FER: variants seen among roughly 807,000 people sequenced by gnomAD.
FER encodes the protein FER tyrosine kinase, also known as tyrosine-protein kinase Fer.
In FER, 63 loss-of-function variants were observed where a neutral mutation model predicts 111.0. The ratio of observed to expected loss-of-function variants is 0.57; its 90% CI spans 0.46 to 0.70. The LOEUF is 0.70. FER is among the 30% of genes least tolerant of loss of function. The probability of loss-of-function intolerance (pLI) is 0.00; values close to 1 mark genes in which losing one functional copy is unlikely to be tolerated. For missense variants in FER, 914 were observed against 954.0 expected, an observed-to-expected ratio of 0.96 and a Z score of 0.55; for synonymous variants, 327 against 313.9, an observed-to-expected ratio of 1.04 and a Z score of -0.44.
chr5:109,052,034 G>C, intron 16 of FER: 4 of 1,593,136 alleles, frequency 2.5e-6, no homozygotes, highest in Non-Finnish European at 2.6e-6. Flanking sequence ...ACCTTACCAT[G>C]CTCTTCAATA....
At chr5:109,052,667 ACTTTTAAAAGGG>A in intron 16 of FER, among the ~76,000 whole-genome samples, 1 of 152,288 alleles carries the variant, frequency 6.6e-6, no homozygotes, top group South Asian at 2.1e-4. Context: ...GCTACTCTCT[ACTTTTAAAAGGG>A]CTTGTATGAT....
chr5:108,959,185 A>G (rs755046936), intron 12 of FER, 40 bp from the exon 13 acceptor site: 5 of 1,581,824 alleles, frequency 3.2e-6, no homozygotes, highest in Non-Finnish European at 1.7e-6. Flanking sequence ...TTCTAAAGCA[A>G]TGTCTTCACA....
At chr5:109,163,357 G>C (rs1037943109) in intron 17 of FER, among the ~76,000 whole-genome samples, 5 of 152,088 alleles carry the variant, frequency 3.3e-5, no homozygotes, top group Non-Finnish European at 7.4e-5. Flanking sequence ...ATAGTCATAT[G>C]TAAGTCTTTG....
rs755800376 is a variant in FER at position 108,867,893 on chromosome 5, C to G, written c.608C>G (p.Thr203Arg). The change falls in exon 6 of 20, where the codon ACA becomes AGA. Residue 203 changes from threonine to arginine, a missense_variant. This residue lies in a region of FER where 774 missense variants were observed against 782.6 expected (regional missense o/e 0.99). Coordinates refer to ENST00000281092, the MANE Select transcript of FER (RefSeq NM_005246.4). ...QLHQNQYYDI[T>R]LPLLLDSLQK... The stretch of plus-strand genomic sequence containing the variant: ...CATCAGAATCAGTATTATGATATCA[C>G]ACTTCCCCTGCTTCTGGACTCCTTA... 5.4e-5 allele frequency: 87 copies of G among 1,613,108 alleles called. No individual in the cohort carries two copies. The highest frequency in any genetic ancestry group is 6.4e-5 in the Non-Finnish European group (75 of 1,179,464).
rs75340898 is a variant in FER at position 109,016,735 on chromosome 5, T to C, written c.1657-20687T>C. 1.3e-4 allele frequency among the ~76,000 whole-genome samples: 20 copies of C among 152,218 alleles called. No individual in the cohort carries two copies. The East Asian group carries it at 3.1e-3, about 23-fold the overall frequency. On this transcript the variant is annotated intron_variant, in intron 13 of 19. Transcript: ENST00000281092. ...TCTATTCTTTATTTGAATATATACA[T>C]ATTTTCCACATTATTATTATAGTTT... is the stretch of plus-strand genomic sequence containing the variant.
At chr5:108,940,712 T>G (rs1296189580) in intron 10 of FER, among the ~76,000 whole-genome samples, 3 of 152,072 alleles carry the variant, frequency 2.0e-5, no homozygotes, top group Non-Finnish European at 4.4e-5. Context: ...CTTACTCAAG[T>G]GTTTTCACTG....
At position 108,881,720 on chromosome 5, in the gene FER, T is replaced by C. The variant is rs756151922; in HGVS notation, c.924-1676T>C. Reference sequence around the variant, plus strand: ...TGCTGTGTCCTCAGATGACCCTTTCTTTGCATACATGAGGAGAGGGAGAGG... The same window carrying C: ...TGCTGTGTCCTCAGATGACCCTTTCCTTGCATACATGAGGAGAGGGAGAGG... On this transcript the variant is annotated intron_variant, in intron 8 of 19. Coordinates refer to ENST00000281092, the MANE Select transcript of FER (RefSeq NM_005246.4). Among the ~76,000 whole-genome samples the C allele has an allele frequency of 3.1e-4, 47 of 152,236 alleles. 2 individuals carry two copies. The Middle Eastern group carries it at 0.01, about 33-fold the overall frequency.
intron 17 of FER, among the ~76,000 whole-genome samples, chr5:109,150,772 A>G (rs182456774): frequency 2.1e-4 from 32 of 152,284 alleles, no homozygotes; most frequent in Middle Eastern, 6.8e-3. Flanking sequence ...ATGAAATTTC[A>G]TGTGTCTTTG....
intron 13 of FER, among the ~76,000 whole-genome samples, chr5:108,961,409 A>G (rs1046410327): frequency 2.0e-5 from 3 of 152,182 alleles, no homozygotes; most frequent in Admixed American, 2.0e-4. Flanking sequence ...ATTTGCTATA[A>G]AACTTTGATA....
At chr5:108,935,617 T>C (rs995571223) in intron 10 of FER, among the ~76,000 whole-genome samples, 9 of 152,254 alleles carry the variant, frequency 5.9e-5, no homozygotes, top group Middle Eastern at 3.4e-3. Context: ...TCAAGAAAGT[T>C]CTCAAAAATT....
Position 108,877,266 on chromosome 5 carries a change from G to T in FER, c.923+5054G>T, listed in dbSNP as rs143186438. 2.6e-5 allele frequency among the ~76,000 whole-genome samples: 4 copies of T among 152,240 alleles called. No individual in the cohort carries two copies. In the East Asian group the frequency reaches 7.7e-4, roughly 29 times the overall value. On this transcript the variant is annotated intron_variant, in intron 8 of 19. Coordinates refer to ENST00000281092, the MANE Select transcript of FER (RefSeq NM_005246.4). ...ATATACAGTATTATAATTTGCTCAG[G>T]CTGTGTTAGGGGAATACTTTAAGAG...
At chr5:108,950,688 C>T (rs991385315) in intron 11 of FER, among the ~76,000 whole-genome samples, 3 of 151,934 alleles carry the variant, frequency 2.0e-5, no homozygotes, top group Non-Finnish European at 4.4e-5. Flanking sequence ...TTTTAAAAAA[C>T]TGGAAGGGAG....
intron 16 of FER, among the ~76,000 whole-genome samples, chr5:109,079,956 T>G (rs2150017078): frequency 6.6e-6 from 1 of 152,254 alleles, no homozygotes; most frequent in Non-Finnish European, 1.5e-5. Flanking sequence ...GCCAGCCTGT[T>G]GAGTGGATGG....
rs762347723 is a variant in FER, at chr5:108,871,422, G to A, written c.723G>A (p.Val241=). The change falls in exon 7 of 20, where the codon GTG becomes GTA. Residue 241 remains valine (V), a synonymous_variant. Coordinates refer to ENST00000281092, the MANE Select transcript of FER (RefSeq NM_005246.4). ...CCAGTCTTGTCACAGAGGAAATAGT[G>A]AATGTCCATAAAGAGATTCAAATGT... ...QITSLVTEEI[V]NVHKEIQMSV... is the part of the protein sequence containing the mutation. The A allele has an allele frequency of 8.1e-6, 13 of 1,611,432 alleles. 1 individual carries two copies. The South Asian group carries it at 1.3e-4, about 16-fold the overall frequency.
chr5:109,121,650 G>T (rs867981689), intron 17 of FER, among the ~76,000 whole-genome samples: 1 of 151,900 alleles, frequency 6.6e-6, no homozygotes, highest in South Asian at 2.1e-4. Flanking sequence ...TTTTTGGGGG[G>T]CAGGAATAGT....
chr5:109,174,873 G>C (rs1367495611), intron 17 of FER, among the ~76,000 whole-genome samples: 3 of 152,194 alleles, frequency 2.0e-5, no homozygotes. Flanking sequence ...TAAAATTACA[G>C]ACTCTGGAGC....
intron 10 of FER, among the ~76,000 whole-genome samples, chr5:108,932,453 G>A (rs1355286096): frequency 6.6e-6 from 1 of 152,134 alleles, no homozygotes; most frequent in African/African-American, 2.4e-5. Flanking sequence ...CCAAGTCTTT[G>A]CTATTGTGAA....
intron 3 of FER, among the ~76,000 whole-genome samples, chr5:108,832,265 A>C (rs560598221): frequency 2.9e-4 from 44 of 152,306 alleles, no homozygotes; most frequent in African/African-American, 9.9e-4. Flanking sequence ...GGAGGAAAAC[A>C]AGCCAGGAAT....
intron 13 of FER, among the ~76,000 whole-genome samples, chr5:109,027,778 T>C (rs967934428): frequency 2.0e-5 from 3 of 152,074 alleles, no homozygotes; most frequent in African/African-American, 7.2e-5. Flanking sequence ...AAAGGAGACG[T>C]TGCTTATTTG....
Sources: allele counts gnomAD v4.1 joint callset (sites outside exome capture counted in the v4.1 genomes callset), GRCh38; gene constraint gnomAD v4.1.1; regional missense constraint gnomAD v4.1.1; transcripts MANE v1.5; gene names NCBI Gene and HGNC (gene_info 2026-07-23, HGNC 2026-07-21).